The following GRK7 variants were observed in gnomAD, a reference collection of about 807,000 sequenced individuals.
GRK7 encodes rhodopsin kinase GRK7.
GRK7 carries 24 observed loss-of-function variants against 34.1 expected under a neutral mutation model. That is an observed-to-expected ratio of 0.70 (90% CI 0.51 to 0.99). The LOEUF (loss-of-function observed/expected upper bound fraction) is 0.99. Ranked by LOEUF, GRK7 falls within the 50% of genes least tolerant of loss-of-function variation. The pLI, the probability that GRK7 is intolerant of heterozygous loss-of-function variation, is 0.00. For synonymous variants in GRK7, 256 were observed against 279.4 expected, an observed-to-expected ratio of 0.92 and a Z score of 0.84; for missense variants, 644 against 707.3, an observed-to-expected ratio of 0.91 and a Z score of 1.02.
At chr3:141,813,896 G>T (rs1039223674) in intron 5 of GRK7, among the ~76,000 whole-genome samples, 6 of 152,220 alleles carry the variant, frequency 3.9e-5, no homozygotes, top group Non-Finnish European at 2.9e-5. Context: ...TGTACTGGTT[G>T]AATGTAATAA....
intron 4 of GRK7, among the ~76,000 whole-genome samples, chr3:141,805,280 A>C (rs1186149058): frequency 6.6e-6 from 1 of 152,252 alleles, no homozygotes; most frequent in Non-Finnish European, 1.5e-5. Context: ...AACTCATTGC[A>C]GGGCATGACT....
the GRK7 span, among the ~76,000 whole-genome samples, chr3:141,754,919 T>A: frequency 9.2e-5 from 14 of 152,224 alleles, no homozygotes; most frequent in Admixed American, 5.2e-4. Context: ...AAAGTTTTTT[T>A]AAATAGGCTT....
At position 141,778,500 on chromosome 3, in the gene GRK7, C is replaced by G. The variant is rs1559840301; in HGVS notation, c.216C>G (p.Asp72Glu). The G allele has an allele frequency of 6.2e-7, 1 of 1,613,194 alleles. No individual in the cohort carries two copies. Among genetic ancestry groups the G allele is most frequent in the Non-Finnish European group, 8.5e-7 (1 of 1,179,970 alleles). Residue 72 changes from aspartate to glutamate, a missense_variant, in exon 3 of 6, where the codon GAC becomes GAG. Asp to Glu is a conservative substitution (Grantham distance 45). Transcript: ENST00000682958. The surrounding 1 kb of genome is among the most constrained non-coding windows in gnomAD (Gnocchi z 4.1). ...CCATCGGTCGCCGCCTCTTCCGTGA[C>G]TTCCTAGCCACAGTGCCCACGTTCC... Reference protein sequence around the residue: ...QQPIGRRLFRDFLATVPTFRK... With the variant: ...QQPIGRRLFREFLATVPTFRK...
chr3:141,767,824 G>C (rs991573826), intron 1 of GRK7, among the ~76,000 whole-genome samples: 2 of 152,122 alleles, frequency 1.3e-5, no homozygotes, highest in Non-Finnish European at 2.9e-5. Flanking sequence ...CAGGGACAAT[G>C]CTAAGTGAAA....
chr3:141,779,563 A>C (rs2084660948), intron 3 of GRK7, among the ~76,000 whole-genome samples: 1 of 152,202 alleles, frequency 6.6e-6, no homozygotes, highest in South Asian at 2.1e-4. Context: ...AAAACTAACC[A>C]TTAACTGTTT....
chr3:141,799,142 G>T (rs531826740), intron 4 of GRK7, among the ~76,000 whole-genome samples: 67 of 152,286 alleles, frequency 4.4e-4, no homozygotes, highest in South Asian at 1.9e-3. Flanking sequence ...ACTGGGATAA[G>T]GGGAAGGGAA....
At position 141,788,571 on chromosome 3, in the gene GRK7, T is replaced by C. The variant is rs527885021; in HGVS notation, c.1050+7760T>C. ...CGGTGACTTCTGCCCCGTGGGGTCT[T>C]CTGGCAGCTGGTAGCTGGGTAGTGA... On this transcript the variant is annotated intron_variant, in intron 4 of 5. Transcript: ENST00000682958. Among the ~76,000 whole-genome samples the C allele has an allele frequency of 9.9e-5, 15 of 152,216 alleles. 1 individual carries two copies. The highest frequency in any genetic ancestry group is 3.6e-4 in the African/African-American group (15 of 41,552).
the GRK7 span, among the ~76,000 whole-genome samples, chr3:141,755,506 G>C: frequency 2.0e-5 from 3 of 152,208 alleles, no homozygotes; most frequent in Admixed American, 2.0e-4. Flanking sequence ...ATTTATTAAA[G>C]AGGTGGATAT....
chr3:141,754,732 T>C, the GRK7 span, among the ~76,000 whole-genome samples: 1 of 152,196 alleles, frequency 6.6e-6, no homozygotes, highest in Non-Finnish European at 1.5e-5. Context: ...GTTGAATGAC[T>C]CAACATAGAT....
intron 4 of GRK7, among the ~76,000 whole-genome samples, chr3:141,802,031 A>G (rs1710974124): frequency 6.6e-6 from 1 of 152,192 alleles, no homozygotes; most frequent in African/African-American, 2.4e-5. Context: ...ATATTTCTGA[A>G]AAAAAGAGAA....
At chr3:141,780,178 T>C (rs141993386) in intron 3 of GRK7, among the ~76,000 whole-genome samples, 196 bp from the exon 4 acceptor site, 90 of 152,308 alleles carry the variant, frequency 5.9e-4, no homozygotes, top group African/African-American at 2.1e-3. Context: ...CCTGTATTTT[T>C]TTATGAAGGC....
chr3:141,800,217 C>T (rs1001384650), intron 4 of GRK7, among the ~76,000 whole-genome samples: 2 of 151,814 alleles, frequency 1.3e-5, no homozygotes. Context: ...TCTCAGTTCC[C>T]CAAATGAGAG....
chr3:141,785,640 T>A (rs568630278), intron 4 of GRK7, among the ~76,000 whole-genome samples: 91 of 152,118 alleles, frequency 6.0e-4, no homozygotes, highest in African/African-American at 2.1e-3. Flanking sequence ...GGTGGGTGCC[T>A]GTAATCCCAG....
At chr3:141,790,304 A>T (rs1327537270) in intron 4 of GRK7, among the ~76,000 whole-genome samples, 1 of 151,798 alleles carries the variant, frequency 6.6e-6, no homozygotes, top group Admixed American at 6.6e-5. Flanking sequence ...AGCCAGCATT[A>T]TGGTTTTTAA....
chr3:141,750,909 C>A, the GRK7 span, among the ~76,000 whole-genome samples: 18 of 152,136 alleles, frequency 1.2e-4, no homozygotes, highest in African/African-American at 3.4e-4. Context: ...CAGTGGCACA[C>A]ACCTGCAGTC....
At chr3:141,760,026 G>A (rs2084548285), upstream of GRK7, among the ~76,000 whole-genome samples, 1 of 121,750 alleles carries the variant, frequency 8.2e-6, no homozygotes, top group Non-Finnish European at 1.7e-5. Context: ...TTTTTATTGT[G>A]TCTATTTGAT....
upstream of GRK7, among the ~76,000 whole-genome samples, chr3:141,762,656 C>T (rs1397760248): frequency 1.3e-5 from 2 of 151,918 alleles, no homozygotes; most frequent in African/African-American, 2.4e-5. Context: ...GTTGGAGCTT[C>T]CCGGCTGCTT....
At chr3:141,750,677 ACTT>A in the GRK7 span, among the ~76,000 whole-genome samples, 1 of 152,146 alleles carries the variant, frequency 6.6e-6, no homozygotes, top group African/African-American at 2.4e-5. Flanking sequence ...TTGCAGAGAT[ACTT>A]CTTGTAAGAC....
chr3:141,757,531 A>AT, the GRK7 span, among the ~76,000 whole-genome samples: 12 of 80,722 alleles, frequency 1.5e-4, no homozygotes, highest in East Asian at 3.7e-3. Context: ...TATGTGCCAC[A>AT]TTTTCTTAAT....
Sources: gnomAD v4.1 joint callset for allele counts (sites outside exome capture counted in the v4.1 genomes callset) on GRCh38, gnomAD v4.1.1 for gene constraint, Gnocchi (gnomAD v3.1) non-coding constraint, MANE v1.5 for transcripts, NCBI Gene and HGNC (gene_info 2026-07-23, HGNC 2026-07-21) for gene names.